Variants in CREBBP observed in about 807,000 individuals in gnomAD.
CREBBP encodes the protein CREB-binding protein.
A neutral mutation model predicts 265.0 loss-of-function variants in CREBBP; 19 were observed. The observed-to-expected ratio is 0.07, with a 90% confidence interval of 0.05 to 0.11. The LOEUF (loss-of-function observed/expected upper bound fraction) is 0.11, where lower values mean the gene tolerates loss of function less well. Among genes scored for constraint, CREBBP ranks in the 10% least tolerant of loss-of-function variants. CREBBP has a pLI of 1.00. For missense variants in CREBBP, 2,525 were observed against 3,219.0 expected (o/e 0.78, Z 5.22); for synonymous variants, 1,457 against 1,223.7 (o/e 1.19, Z -3.98).
chr16:3,799,153 G>T (rs2053664284), intron 3 of CREBBP, among the ~76,000 whole-genome samples: 1 of 152,162 alleles, frequency 6.6e-6, no homozygotes, highest in Non-Finnish European at 1.5e-5. Flanking sequence ...CTAGCGGTTG[G>T]CTGGAGATGG....
At chr16:3,838,284 T>C (rs1190108037) in intron 2 of CREBBP, among the ~76,000 whole-genome samples, 1 of 152,186 alleles carries the variant, frequency 6.6e-6, no homozygotes, top group Non-Finnish European at 1.5e-5. Context: ...AGATTTATAG[T>C]CCAGGAGCAA....
intron 3 of CREBBP, among the ~76,000 whole-genome samples, chr16:3,798,536 C>A (rs2053651181): frequency 6.6e-6 from 1 of 152,134 alleles, no homozygotes; most frequent in African/African-American, 2.4e-5. Context: ...GTTATTTATG[C>A]AAAGAAGATA....
intron 16 of CREBBP, among the ~76,000 whole-genome samples, chr16:3,763,951 T>C (rs2052785207): frequency 6.6e-6 from 1 of 151,418 alleles, no homozygotes; most frequent in African/African-American, 2.4e-5. Context: ...TTCAAGTGAT[T>C]CTCCTGCCTC....
rs777591053 is a variant in CREBBP, at chr16:3,792,114, G to A, written c.1217-20C>T. The A allele has an allele frequency of 1.4e-5, 22 of 1,554,770 alleles. No homozygotes were observed. Among genetic ancestry groups the A allele is most frequent in the African/African-American group, 6.8e-5 (5 of 73,642 alleles). On this transcript the variant is annotated intron_variant, in intron 4 of 30. Coordinates refer to ENST00000262367, the MANE Select transcript of CREBBP (RefSeq NM_004380.3). The stretch of plus-strand genomic sequence containing the variant: ...GGGCAACTATGACCAGAAAAACAAC[G>A]AGATGTTATTTTTCTATCCAAATCG...
intron 1 of CREBBP, among the ~76,000 whole-genome samples, chr16:3,853,527 G>T (rs1236118630): frequency 2.6e-5 from 4 of 151,098 alleles, no homozygotes; most frequent in African/African-American, 9.8e-5. Context: ...GGAGAATGGC[G>T]TGAACCCAGG....
chr16:3,808,579 T>C (rs537247760), intron 3 of CREBBP, among the ~76,000 whole-genome samples: 2 of 152,292 alleles, frequency 1.3e-5, no homozygotes, highest in South Asian at 2.1e-4. Flanking sequence ...TTGACAAGCA[T>C]ACCACATCTG....
At chr16:3,747,016 T>C (rs2052358039) in intron 21 of CREBBP, among the ~76,000 whole-genome samples, 1 of 152,020 alleles carries the variant, frequency 6.6e-6, no homozygotes, top group South Asian at 2.1e-4. Flanking sequence ...CCATTTTGAA[T>C]TTCCCCCTTT....
At chr16:3,730,926 G>A (rs1244082820) in intron 30 of CREBBP, among the ~76,000 whole-genome samples, 3 of 152,240 alleles carry the variant, frequency 2.0e-5, no homozygotes, top group Admixed American at 1.3e-4. Flanking sequence ...AGCAAGACTA[G>A]AACTGGGCAC....
chr16:3,784,129 T>C (rs757021683), intron 5 of CREBBP, among the ~76,000 whole-genome samples: 3 of 152,188 alleles, frequency 2.0e-5, no homozygotes, highest in Non-Finnish European at 4.4e-5. Context: ...TTTTGATACA[T>C]AAAACACGAC....
chr16:3,793,314 A>C, intron 4 of CREBBP, 72 bp downstream of exon 4: 1 of 1,601,496 alleles, frequency 6.2e-7, no homozygotes. Flanking sequence ...TGAACCAGAG[A>C]GCTGCTGTAA....
intron 28 of CREBBP, among the ~76,000 whole-genome samples, chr16:3,734,932 C>A (rs112118032): frequency 1.3e-5 from 2 of 152,188 alleles, no homozygotes; most frequent in Non-Finnish European, 2.9e-5. Context: ...CAGCAGCCCA[C>A]GCAAGAGCCA....
At chr16:3,837,014 A>G (rs993022635) in intron 2 of CREBBP, among the ~76,000 whole-genome samples, 1 of 152,226 alleles carries the variant, frequency 6.6e-6, no homozygotes, top group African/African-American at 2.4e-5. Flanking sequence ...ATAAATGACT[A>G]TGTTACTGGT....
chr16:3,731,037 C>G lies in CREBBP; in HGVS notation c.5172+155G>C, dbSNP rs191807812. Among the ~76,000 whole-genome samples the G allele has an allele frequency of 2.0e-5, 3 of 152,350 alleles. No homozygotes were observed. In the East Asian group the frequency reaches 5.8e-4, roughly 29 times the overall value. ...GCAGGTTTAGGAAACACACACACAGCAACGCCTTCTGCCTTGTGACGCTGT... is the reference window on the plus strand; with the variant it reads ...GCAGGTTTAGGAAACACACACACAGGAACGCCTTCTGCCTTGTGACGCTGT... On this transcript the variant is annotated intron_variant, in intron 30 of 30. Coordinates refer to ENST00000262367, the MANE Select transcript of CREBBP (RefSeq NM_004380.3). The surrounding 1 kb of genome is among the most constrained non-coding windows in gnomAD (Gnocchi z 7.7).
chr16:3,749,536 A>T, intron 21 of CREBBP, 91 bp downstream of exon 21: 1 of 823,976 alleles, frequency 1.2e-6, no homozygotes, highest in Non-Finnish European at 2.0e-6. Context: ...ACATATTTCC[A>T]ATGTTTTTAC....
chr16:3,800,542 T>C (rs1250873946), intron 3 of CREBBP, among the ~76,000 whole-genome samples: 4 of 152,072 alleles, frequency 2.6e-5, no homozygotes, highest in Non-Finnish European at 2.9e-5. Flanking sequence ...GCCTTTACAA[T>C]GAGAATAAAG....
intron 2 of CREBBP, among the ~76,000 whole-genome samples, chr16:3,831,176 CATG>C (rs1242475866): frequency 6.6e-6 from 1 of 152,162 alleles, no homozygotes; most frequent in East Asian, 1.9e-4. Flanking sequence ...CCATACAAAG[CATG>C]TTTTCTGAAC....
intron 13 of CREBBP, 54 bp downstream of exon 13, chr16:3,773,697 T>A (rs2141213738): frequency 6.3e-7 from 1 of 1,591,138 alleles, no homozygotes; most frequent in Middle Eastern, 1.7e-4. Flanking sequence ...AAACCAAAAC[T>A]TAACACAAGA....
At chr16:3,801,467 G>T (rs1458988080) in intron 3 of CREBBP, among the ~76,000 whole-genome samples, 1 of 152,158 alleles carries the variant, frequency 6.6e-6, no homozygotes, top group African/African-American at 2.4e-5. Context: ...TCAGCAGTTT[G>T]AGACCAGCCT....
At chr16:3,754,718 T>C (rs2052549897) in intron 19 of CREBBP, among the ~76,000 whole-genome samples, 1 of 152,196 alleles carries the variant, frequency 6.6e-6, no homozygotes, top group Admixed American at 6.5e-5. Flanking sequence ...CCAACATGAG[T>C]TACTTTCAAA....
Sources: gnomAD v4.1 joint callset for allele counts (sites outside exome capture counted in the v4.1 genomes callset) on GRCh38, gnomAD v4.1.1 for gene constraint, Gnocchi (gnomAD v3.1) non-coding constraint, MANE v1.5 for transcripts, NCBI Gene and HGNC (gene_info 2026-07-23, HGNC 2026-07-21) for gene names.